The following COL11A2 variants were observed in gnomAD, a reference collection of about 807,000 sequenced individuals.
COL11A2 encodes the protein collagen type XI alpha 2 chain.
Under a neutral mutation model 273.4 loss-of-function variants are expected in COL11A2, and 116 were observed. The observed-to-expected ratio is 0.42, with a 90% CI of 0.36 to 0.49. COL11A2 has a LOEUF of 0.49. Among genes scored for constraint, COL11A2 ranks in the 20% least tolerant of loss-of-function variants. The probability of loss-of-function intolerance (pLI) is 0.00; values close to 1 mark genes in which losing one functional copy is unlikely to be tolerated. For missense variants in COL11A2, 1,866 were observed against 2,309.0 expected, an observed-to-expected ratio of 0.81 and a Z score of 3.93; for synonymous variants, 782 against 864.2, an observed-to-expected ratio of 0.90 and a Z score of 1.67.
rs367955660 is a variant in COL11A2 at position 33,175,879 on chromosome 6, G to C, written c.2268+137C>G. On this transcript the variant is annotated intron_variant, in intron 29 of 65. Coordinates refer to ENST00000341947, the MANE Select transcript of COL11A2 (RefSeq NM_080680.3). Reference sequence around the variant, plus strand: ...CAGACCATGGGGCTATCATCCTGTAGGGGTCAGGCTCCCAAGGGAACACAG... The same window carrying C: ...CAGACCATGGGGCTATCATCCTGTACGGGTCAGGCTCCCAAGGGAACACAG... 3,151 of 1,166,878 alleles carry C rather than the reference G, an allele frequency of 2.7e-3. 79 individuals carry two copies. The South Asian group carries it at 0.033, about 12-fold the overall frequency. The allele number at this position is 1,166,878 out of a possible 1,614,324, so 72.3% of individuals were successfully genotyped here. A position where few individuals can be genotyped will look rare whatever the true frequency, so the allele number is the denominator to read the frequency against.
Position 33,169,601 on chromosome 6 carries a change from G to A in COL11A2, c.3691-111C>T. 2 of 1,164,260 alleles carry A rather than the reference G, an allele frequency of 1.7e-6. No individual in the cohort carries two copies. Among genetic ancestry groups the A allele is most frequent in the Non-Finnish European group, 2.5e-6 (2 of 787,972 alleles). The allele number at this position is 1,164,260 out of a possible 1,614,324, so 72.1% of individuals were successfully genotyped here. A position where few individuals can be genotyped will look rare whatever the true frequency, so the allele number is the denominator to read the frequency against. On this transcript the variant is annotated intron_variant, in intron 50 of 65. Transcript: ENST00000341947. This position sits in a 1 kb window ranked among gnomAD's most constrained non-coding sequence, Gnocchi z 5.5. ...TCCCCTACTCCCCTCAGTGACAATG[G>A]GACATACACAGAAAGTCAAGCCTAC...
chr6:33,167,160 G>A lies in COL11A2; in HGVS notation c.4177-37C>T, dbSNP rs1243664282. ...TGGGAAGTCATTCTCTTAAGGGAGA[G>A]GTGGGACCAAGTTCTCCCCAACAGC... On this transcript the variant is annotated intron_variant, in intron 57 of 65. Coordinates refer to ENST00000341947, the MANE Select transcript of COL11A2 (RefSeq NM_080680.3). This position sits in a 1 kb window ranked among gnomAD's most constrained non-coding sequence, Gnocchi z 6.1. 6.2e-7 allele frequency: 1 copy of A among 1,613,538 alleles called. No individual in the cohort carries two copies. The highest frequency in any genetic ancestry group is 1.7e-5 in the Admixed American group (1 of 60,008).
rs142893093 is a variant in COL11A2, at chr6:33,163,801, C to T, written c.5088G>A (p.Thr1696=). The change falls in exon 66 of 66, where the codon ACG becomes ACA. Residue 1696 remains threonine (T), a synonymous_variant. Transcript: ENST00000341947. The surrounding 1 kb of genome is among the most constrained non-coding windows in gnomAD (Gnocchi z 4.1). ...GCACAGGCGTTCGCACCTCCAGCAC[C>T]GTCCGGCCTTGCTGTGTCTTCAGGG... ...RDGCQTQQGR[T]VLEVRTPVLE... is the part of the protein sequence containing the mutation. 4.6e-5 allele frequency: 75 copies of T among 1,613,020 alleles called. No individual in the cohort carries two copies. The East Asian group carries it at 1.3e-3, about 28-fold the overall frequency.
Position 33,177,813 on chromosome 6 carries a change from T to A in COL11A2, c.1873-107A>T. 2 of 1,269,206 alleles carry A rather than the reference T, an allele frequency of 1.6e-6. No homozygotes were observed. The highest frequency in any genetic ancestry group is 1.1e-6 in the Non-Finnish European group (1 of 881,620). The allele number at this position is 1,269,206 out of a possible 1,614,324, so 78.6% of individuals were successfully genotyped here. ...GTGTGACGGTCAGACCTCCAATCCA[T>A]CCCAAACCCAAGCAAACACAGCTGG... On this transcript the variant is annotated intron_variant, in intron 21 of 65. Transcript: ENST00000341947. The surrounding 1 kb of genome is among the most constrained non-coding windows in gnomAD (Gnocchi z 5.9).
rs371596685 is a variant in COL11A2 at position 33,166,619 on chromosome 6, G to T, written c.4339-53C>A. 20 of 1,611,538 alleles carry T rather than the reference G, an allele frequency of 1.2e-5. No homozygotes were observed. The East Asian group carries it at 1.6e-4, about 13-fold the overall frequency. On this transcript the variant is annotated intron_variant, in intron 59 of 65. Transcript: ENST00000341947. The surrounding 1 kb of genome is among the most constrained non-coding windows in gnomAD (Gnocchi z 4.8). ...GGGTCCTCCTCCCACACCCTCCTGA[G>T]CACCTGCTCGCTTACCCACAGCTGA...
rs1428147039 is a variant in COL11A2, at chr6:33,166,811, A to G, written c.4247T>C (p.Ile1416Thr). Reference sequence around the variant, plus strand: ...CTCACCCGGGGGCCCAATCAGTCCAATGAGACCTGGGTGGCCCTAGAGAAG... The same window carrying G: ...CTCACCCGGGGGCCCAATCAGTCCAGTGAGACCTGGGTGGCCCTAGAGAAG... ...AKGEKGHPGLIGLIGPPGEQG... is the reference protein window; with the variant it reads ...AKGEKGHPGLTGLIGPPGEQG... Residue 1416 changes from isoleucine (I) to threonine (T), a missense_variant, in exon 59 of 66, where the codon ATT (isoleucine) becomes ACT (threonine). Coordinates refer to ENST00000341947, the MANE Select transcript of COL11A2 (RefSeq NM_080680.3). The surrounding 1 kb of genome is among the most constrained non-coding windows in gnomAD (Gnocchi z 4.8). 5.0e-6 allele frequency: 8 copies of G among 1,613,440 alleles called. No individual in the cohort carries two copies. Among genetic ancestry groups the G allele is most frequent in the African/African-American group, 2.7e-5 (2 of 75,006 alleles).
intron 38 of COL11A2, 92 bp downstream of exon 38, chr6:33,172,968 T>G: frequency 1.5e-6 from 2 of 1,372,392 alleles, no homozygotes; most frequent in South Asian, 2.4e-5. Flanking sequence ...CTGGGTCAGG[T>G]GGACCGGGGC....
chr6:33,166,928 G>T lies in COL11A2; in HGVS notation c.4231-101C>A. 1.3e-6 allele frequency: 2 copies of T among 1,502,356 alleles called. No individual in the cohort carries two copies. Among genetic ancestry groups the T allele is most frequent in the Non-Finnish European group, 9.1e-7 (1 of 1,094,730 alleles). 93.1% of individuals were successfully genotyped at this position (1,502,356 alleles called of 1,614,324 possible). A position where few individuals can be genotyped will look rare whatever the true frequency, so the allele number is the denominator to read the frequency against. ...GGAGAGGGAGCCGGGCACAGGGTCC[G>T]TGAGTGGCCCTCACTGAGCAGGGAC... On this transcript the variant is annotated intron_variant, in intron 58 of 65. Coordinates refer to ENST00000341947, the MANE Select transcript of COL11A2 (RefSeq NM_080680.3). The surrounding 1 kb of genome is among the most constrained non-coding windows in gnomAD (Gnocchi z 4.8).
chr6:33,168,424 G>T, intron 54 of COL11A2, 95 bp downstream of exon 54: 2 of 1,367,132 alleles, frequency 1.5e-6, no homozygotes, highest in Non-Finnish European at 2.1e-6. Flanking sequence ...GCAGACACCA[G>T]GCACCTCCCC....
At position 33,170,970 on chromosome 6, in the gene COL11A2, A is replaced by T. The variant is rs373222267; in HGVS notation, c.3367-53T>A. ...AGGACACAGGGATGGGTCATGGGTC[A>T]GGTGTTCTCTATCCACAAATACCAC... is the stretch of plus-strand genomic sequence containing the variant. On this transcript the variant is annotated intron_variant, in intron 45 of 65. Coordinates refer to ENST00000341947, the MANE Select transcript of COL11A2 (RefSeq NM_080680.3). This position sits in a 1 kb window ranked among gnomAD's most constrained non-coding sequence, Gnocchi z 4.3. The T allele has an allele frequency of 5.0e-5, 7 of 139,920 alleles. No individual in the cohort carries two copies. The highest frequency in any genetic ancestry group is 5.1e-5 in the Non-Finnish European group (6 of 117,076). The allele number at this position is 139,920 out of a possible 1,614,324, so 8.7% of individuals were successfully genotyped here. A position where few individuals can be genotyped will look rare whatever the true frequency, so the allele number is the denominator to read the frequency against.
Position 33,179,057 on chromosome 6 carries a change from C to G in COL11A2, c.1611+16G>C. ...CCTGTCTCCCCACAACACCCATCCA[C>G]CCCTGGGGCACTCACCCTTCGCCCA... On this transcript the variant is annotated intron_variant, in intron 16 of 65. Transcript: ENST00000341947. This position sits in a 1 kb window ranked among gnomAD's most constrained non-coding sequence, Gnocchi z 6.4. The G allele has an allele frequency of 6.2e-7, 1 of 1,614,032 alleles. No homozygotes were observed. The highest frequency in any genetic ancestry group is 8.5e-7 in the Non-Finnish European group (1 of 1,179,920).
In COL11A2 at chr6:33,174,286, G is replaced by C. The variant is rs541250351; in HGVS notation, c.2431-68C>G. On this transcript the variant is annotated intron_variant, in intron 31 of 65. Transcript: ENST00000341947. Reference sequence around the variant, plus strand: ...GGTAGGGTTCAGGAAGGGGCAAAGGGGGTCAGGAGAGGCCACAAAGGCAGT... The same window carrying C: ...GGTAGGGTTCAGGAAGGGGCAAAGGCGGTCAGGAGAGGCCACAAAGGCAGT... The C allele has an allele frequency of 8.6e-4, 1,333 of 1,544,708 alleles. 16 individuals carry two copies. The African/African-American group carries it at 0.017, about 19-fold the overall frequency.
chr6:33,178,014 C>T lies in COL11A2; in HGVS notation c.1872+118G>A. The T allele has an allele frequency of 9.0e-7, 1 of 1,112,974 alleles. No individual in the cohort carries two copies. The highest frequency in any genetic ancestry group is 2.4e-5 in the East Asian group (1 of 42,010). 68.9% of individuals were successfully genotyped at this position (1,112,974 alleles called of 1,614,324 possible). ...CAGTGTGGGGCCAGAGCAGGGGGAG[C>T]TCACAGGGAATGGGAAGCATGCCGA... On this transcript the variant is annotated intron_variant, in intron 21 of 65. Transcript: ENST00000341947. This position sits in a 1 kb window ranked among gnomAD's most constrained non-coding sequence, Gnocchi z 4.6.
chr6:33,167,948 C>T lies in COL11A2; in HGVS notation c.3961-96G>A. 1.5e-6 allele frequency: 2 copies of T among 1,334,416 alleles called. No homozygotes were observed. Among genetic ancestry groups the T allele is most frequent in the South Asian group, 1.2e-5 (1 of 82,650 alleles). The allele number at this position is 1,334,416 out of a possible 1,614,324, so 82.7% of individuals were successfully genotyped here. A position where few individuals can be genotyped will look rare whatever the true frequency, so the allele number is the denominator to read the frequency against. On this transcript the variant is annotated intron_variant, in intron 54 of 65. Coordinates refer to ENST00000341947, the MANE Select transcript of COL11A2 (RefSeq NM_080680.3). This position sits in a 1 kb window ranked among gnomAD's most constrained non-coding sequence, Gnocchi z 6.1. ...TCCTAGACACACACATACACATGCACACACACACGTGCATACACAGGGACA... is the reference window on the plus strand; with the variant it reads ...TCCTAGACACACACATACACATGCATACACACACGTGCATACACAGGGACA...
Position 33,188,984 on chromosome 6 carries a change from T to C in COL11A2, c.437A>G (p.Asp146Gly). ...GAGGAGCAAACAAACTTACTTGCCA[T>C]CTGCTAGGCTGAGGCCTCGGAAGAC... Reference protein sequence around the residue: ...QPVFRGLSLADGKWHRVAVAV... With the variant: ...QPVFRGLSLAGGKWHRVAVAV... The change falls in exon 3 of 66, where the codon GAT becomes GGT. Residue 146 changes from aspartate (D) to glycine (G), a missense_variant. Asp to Gly is a moderately conservative substitution (Grantham distance 94). Transcript: ENST00000341947. 3.1e-6 allele frequency: 5 copies of C among 1,614,152 alleles called. No homozygotes were observed. The highest frequency in any genetic ancestry group is 1.6e-4 in the Middle Eastern group (1 of 6,062).
intron 40 of COL11A2, 43 bp from the exon 41 acceptor site, chr6:33,172,146 A>G: frequency 6.2e-7 from 1 of 1,610,734 alleles, no homozygotes; most frequent in Non-Finnish European, 8.5e-7. Flanking sequence ...TCACGAAAAG[A>G]GAAGGGTGAG....
intron 6 of COL11A2, 47 bp from the exon 7 acceptor site, chr6:33,185,101 A>G (rs1772225857): frequency 2.8e-6 from 4 of 1,431,402 alleles, no homozygotes; most frequent in Non-Finnish European, 3.9e-6. Flanking sequence ...GTGGGAAGGA[A>G]GGAGAAAGGT....
chr6:33,172,872 C>A (rs1031671248), intron 38 of COL11A2, among the ~76,000 whole-genome samples, 188 bp downstream of exon 38: 2 of 152,120 alleles, frequency 1.3e-5, no homozygotes, highest in African/African-American at 4.8e-5. Flanking sequence ...GGGGACAAGA[C>A]GATGAGAATG....
chr6:33,171,997 T>G (rs911610363), intron 41 of COL11A2, 53 bp downstream of exon 41: 17 of 1,565,894 alleles, frequency 1.1e-5, no homozygotes, highest in Non-Finnish European at 1.5e-5. Flanking sequence ...CCACCCTTCC[T>G]CACCCACCCC....
Sources: gnomAD v4.1 joint callset for allele counts (sites outside exome capture counted in the v4.1 genomes callset) on GRCh38, gnomAD v4.1.1 for gene constraint, Gnocchi (gnomAD v3.1) non-coding constraint, MANE v1.5 for transcripts, NCBI Gene and HGNC (gene_info 2026-07-23, HGNC 2026-07-21) for gene names.